Variants in CAMK2B observed in about 807,000 individuals in gnomAD.
CAMK2B encodes the protein calcium/calmodulin-dependent protein kinase type II subunit beta.
A neutral mutation model predicts 93.7 loss-of-function variants in CAMK2B; 27 were observed. The observed-to-expected ratio is 0.29, with a 90% CI of 0.21 to 0.40. The LOEUF is 0.40. Among genes scored for constraint, CAMK2B ranks in the 10% least tolerant of loss-of-function variants. CAMK2B has a pLI of 1.00. For synonymous variants in CAMK2B, 374 were observed against 358.8 expected (o/e 1.04, Z -0.48); for missense variants, 568 against 895.8 (o/e 0.63, Z 4.67).
At chr7:44,232,203 T>TG (rs5883894) in intron 16 of CAMK2B, among the ~76,000 whole-genome samples, 152,229 of 152,230 alleles carry the variant, frequency 1, 76,114 homozygotes, top group Non-Finnish European at 1. Context: ...AGAGGCACTC[T>TG]GGGGCTCTGT....
chr7:44,291,376 C>T lies in CAMK2B; in HGVS notation c.66-7151G>A, dbSNP rs956839493. 3.3e-5 allele frequency among the ~76,000 whole-genome samples: 5 copies of T among 152,284 alleles called. No homozygotes were observed. In the East Asian group the frequency reaches 7.7e-4, roughly 24 times the overall value. ...CCATCCTACCGCCCCACTGGCAAGACGTCCCCCAGGTAGGTGCAAGCCGAG... is the reference window on the plus strand; with the variant it reads ...CCATCCTACCGCCCCACTGGCAAGATGTCCCCCAGGTAGGTGCAAGCCGAG... On this transcript the variant is annotated intron_variant, in intron 1 of 23. Transcript: ENST00000395749.
chr7:44,303,577 C>T (rs899182694), intron 1 of CAMK2B, among the ~76,000 whole-genome samples: 2 of 152,174 alleles, frequency 1.3e-5, no homozygotes, highest in African/African-American at 4.8e-5. Flanking sequence ...AGACACAGAT[C>T]TTACACCTTT....
At chr7:44,285,945 T>C (rs1318531331) in intron 1 of CAMK2B, among the ~76,000 whole-genome samples, 1 of 151,950 alleles carries the variant, frequency 6.6e-6, no homozygotes, top group Non-Finnish European at 1.5e-5. Context: ...CTTGATTTTT[T>C]CACCATGTGC....
intron 1 of CAMK2B, among the ~76,000 whole-genome samples, chr7:44,314,637 C>T (rs1471366845): frequency 6.6e-6 from 1 of 152,164 alleles, no homozygotes; most frequent in African/African-American, 2.4e-5. Context: ...TGGGCATATA[C>T]CTAAGAATAG....
chr7:44,235,562 G>C lies in CAMK2B; in HGVS notation c.1022-886C>G, dbSNP rs542982044. On this transcript the variant is annotated intron_variant, in intron 13 of 23. Coordinates refer to ENST00000395749, the MANE Select transcript of CAMK2B (RefSeq NM_001220.5). ...CTTACAGAAAAGGAAAGGTGAGAAG[G>C]GGAGGGAGTGAGGAAGGAAGAGAGA... Among the ~76,000 whole-genome samples the C allele has an allele frequency of 2.6e-5, 4 of 152,370 alleles. No homozygotes were observed. The East Asian group carries it at 7.7e-4, about 29-fold the overall frequency.
intron 2 of CAMK2B, among the ~76,000 whole-genome samples, 166 bp from the exon 3 acceptor site, chr7:44,263,230 G>A (rs2096895278): frequency 6.6e-6 from 1 of 152,244 alleles, no homozygotes; most frequent in Non-Finnish European, 1.5e-5. Flanking sequence ...TGGGCCACTG[G>A]TGGCAAGGCT....
Position 44,243,450 on chromosome 7 carries a change from C to A in CAMK2B, c.492G>T (p.Val164=), listed in dbSNP as rs757599716. Residue 164 remains valine (V), a synonymous_variant, in exon 7 of 24, where the codon GTG becomes GTT. Coordinates refer to ENST00000395749, the MANE Select transcript of CAMK2B (RefSeq NM_001220.5). ...KLADFGLAIE[V]QGDQQAWFGF... ...CAAACCATGCCTGCTGGTCCCCCTG[C>A]ACCTCGATAGCTAGGCCGAAGTCTG... 4.3e-6 allele frequency: 7 copies of A among 1,614,094 alleles called. No individual in the cohort carries two copies. The highest frequency in any genetic ancestry group is 5.9e-6 in the Non-Finnish European group (7 of 1,179,986).
intron 1 of CAMK2B, among the ~76,000 whole-genome samples, chr7:44,305,334 C>G (rs2115618269): frequency 6.6e-6 from 1 of 152,292 alleles, no homozygotes; most frequent in East Asian, 1.9e-4. Flanking sequence ...ACCCCTCTCC[C>G]CTAGCCAGGC....
At chr7:44,227,734 A>ATATGGGGGACAGAGGGG (rs1554360204) in intron 19 of CAMK2B, among the ~76,000 whole-genome samples, 1 of 3,548 alleles carries the variant, frequency 2.8e-4, no homozygotes, top group Non-Finnish European at 4.2e-4. Context: ...ACAGAGGGGT[A>ATATGGGGGACAGAGGGG]TATGGGGGAC....
intron 5 of CAMK2B, among the ~76,000 whole-genome samples, chr7:44,253,381 T>G (rs928085831): frequency 2.0e-5 from 3 of 151,920 alleles, no homozygotes; most frequent in Non-Finnish European, 1.5e-5. Context: ...GCCCGGCTAA[T>G]TTTGTATTTT....
At chr7:44,264,805 C>CT (rs2096909516) in intron 2 of CAMK2B, among the ~76,000 whole-genome samples, 2 of 152,238 alleles carry the variant, frequency 1.3e-5, no homozygotes, top group South Asian at 4.1e-4. Flanking sequence ...GCCCAAGTGT[C>CT]TGTCAGCATC....
At chr7:44,219,927 C>A (rs1004818426) in intron 23 of CAMK2B, 133 bp downstream of exon 23, 3 of 742,136 alleles carry the variant, frequency 4.0e-6, no homozygotes, top group Non-Finnish European at 2.2e-6. Context: ...TGTGGCCTCA[C>A]CAGGAAAGCT....
At position 44,252,384 on chromosome 7, in the gene CAMK2B, G is replaced by A. The variant is rs575980933; in HGVS notation, c.341+2158C>T. ...ACAGGGGGCCAAGAGGGATCCACAGGAGCAGAGGGGGCTCTGGGGGGCTGC... is the reference window on the plus strand; with the variant it reads ...ACAGGGGGCCAAGAGGGATCCACAGAAGCAGAGGGGGCTCTGGGGGGCTGC... On this transcript the variant is annotated intron_variant, in intron 5 of 23. Transcript: ENST00000395749. 8.2e-4 allele frequency among the ~76,000 whole-genome samples: 124 copies of A among 151,990 alleles called. 1 individual carries two copies. The South Asian group carries it at 0.025, about 31-fold the overall frequency.
intron 13 of CAMK2B, among the ~76,000 whole-genome samples, chr7:44,235,706 G>A (rs569948291): frequency 5.9e-5 from 9 of 152,286 alleles, no homozygotes; most frequent in South Asian, 2.1e-4. Flanking sequence ...GCGGCCAGCC[G>A]GTACAGCAGG....
intron 2 of CAMK2B, among the ~76,000 whole-genome samples, chr7:44,264,602 C>T (rs540275033): frequency 6.9e-4 from 105 of 152,308 alleles, no homozygotes; most frequent in African/African-American, 2.4e-3. Context: ...AGTCAGACCC[C>T]ATCCCGCTGT....
At chr7:44,257,880 A>C (rs2096847498) in intron 4 of CAMK2B, among the ~76,000 whole-genome samples, 1 of 152,230 alleles carries the variant, frequency 6.6e-6, no homozygotes. Flanking sequence ...GCCCCCACGC[A>C]GGCGTGTCCT....
intron 6 of CAMK2B, among the ~76,000 whole-genome samples, chr7:44,245,259 T>C (rs1218555293): frequency 6.6e-6 from 1 of 152,154 alleles, no homozygotes; most frequent in Non-Finnish European, 1.5e-5. Flanking sequence ...ACCCTGGCTC[T>C]TTTGCAGTTC....
intron 5 of CAMK2B, among the ~76,000 whole-genome samples, chr7:44,249,296 C>T (rs989668339): frequency 9.9e-5 from 15 of 152,154 alleles, no homozygotes; most frequent in Non-Finnish European, 2.2e-4. Flanking sequence ...TGGGCAGACT[C>T]AGCCTCCCTG....
intron 2 of CAMK2B, among the ~76,000 whole-genome samples, chr7:44,278,866 A>AG (rs2097076617): frequency 6.6e-6 from 1 of 152,212 alleles, no homozygotes; most frequent in Non-Finnish European, 1.5e-5. Flanking sequence ...CCGGGGTGGT[A>AG]GGGCCAGCTC....
Sources: gnomAD v4.1 joint callset for allele counts (sites outside exome capture counted in the v4.1 genomes callset) on GRCh38, gnomAD v4.1.1 for gene constraint, MANE v1.5 for transcripts, NCBI Gene and HGNC (gene_info 2026-07-23, HGNC 2026-07-21) for gene names.